The following TXLNG variants were observed in gnomAD, a reference collection of about 807,000 sequenced individuals.
TXLNG encodes the protein taxilin gamma.
In TXLNG, 5 loss-of-function variants were observed where a neutral mutation model predicts 38.8. The observed-to-expected ratio is 0.13, with a 90% CI of 0.07 to 0.27. The LOEUF (loss-of-function observed/expected upper bound fraction) is 0.27. TXLNG is among the 10% of genes least tolerant of loss of function. The pLI is 1.00. For missense variants in TXLNG, 393 were observed against 398.2 expected, an observed-to-expected ratio of 0.99 and a Z score of 0.11; for synonymous variants, 182 against 158.2, an observed-to-expected ratio of 1.15 and a Z score of -1.13.
chrX:16,797,502 G>T (rs747427677), intron 1 of TXLNG, among the ~76,000 whole-genome samples: 11 of 111,900 alleles, frequency 9.8e-5, no homozygotes, highest in Non-Finnish European at 2.1e-4. Flanking sequence ...CACTCTTGTG[G>T]CTGTTGGCAG....
chrX:16,839,684 C>G, intron 8 of TXLNG, 137 bp from the exon 9 acceptor site: 5 of 411,791 alleles, frequency 1.2e-5, no homozygotes, highest in East Asian at 4.1e-5. Flanking sequence ...TCTATAAAGA[C>G]ACACACAGCT....
chrX:16,840,948 G>A (rs972676800), intron 9 of TXLNG, among the ~76,000 whole-genome samples: 2 of 111,506 alleles, frequency 1.8e-5, no homozygotes, highest in Non-Finnish European at 3.8e-5. Flanking sequence ...TGTAATCCCA[G>A]CGCTTCGGGA....
chrX:16,836,508 C>G (rs1322517212), intron 7 of TXLNG, among the ~76,000 whole-genome samples: 1 of 112,457 alleles, frequency 8.9e-6, no homozygotes, highest in Non-Finnish European at 1.9e-5. Context: ...TCTAGCCTAA[C>G]AAGCACAAGG....
chrX:16,841,125 G>T (rs1294266108), intron 9 of TXLNG, among the ~76,000 whole-genome samples: 3 of 109,492 alleles, frequency 2.7e-5, no homozygotes, highest in Non-Finnish European at 3.8e-5. Context: ...AACCCAGGAG[G>T]CAGAGGTTGC....
chrX:16,820,325 C>G, intron 3 of TXLNG, 70 bp downstream of exon 3: 1 of 830,744 alleles, frequency 1.2e-6, no homozygotes, highest in South Asian at 2.6e-5. Context: ...TGATAAGTTT[C>G]TTAAAGTACA....
At chrX:16,797,521 T>G (rs1282008015) in intron 1 of TXLNG, among the ~76,000 whole-genome samples, 1 of 112,036 alleles carries the variant, frequency 8.9e-6, no homozygotes, top group African/African-American at 3.2e-5. Flanking sequence ...AGGATTCAAT[T>G]CCTCGTGGGC....
intron 4 of TXLNG, among the ~76,000 whole-genome samples, chrX:16,828,880 A>G (rs1929272040): frequency 9.0e-6 from 1 of 111,643 alleles, no homozygotes; most frequent in African/African-American, 3.3e-5. Context: ...TATGCCCTTT[A>G]TGCCCCAATA....
At chrX:16,825,459 A>G (rs1351891473) in intron 3 of TXLNG, among the ~76,000 whole-genome samples, 6 of 112,439 alleles carry the variant, frequency 5.3e-5, no homozygotes, top group Non-Finnish European at 9.4e-5. Flanking sequence ...CAAAACCTAG[A>G]GACAGCCCAG....
intron 1 of TXLNG, among the ~76,000 whole-genome samples, chrX:16,791,217 G>A (rs181695980): frequency 3.6e-5 from 4 of 111,860 alleles, no homozygotes; most frequent in East Asian, 2.8e-4. Flanking sequence ...CCTCTTCCCA[G>A]AATCTCTCCG....
intron 6 of TXLNG, 138 bp downstream of exon 6, chrX:16,832,880 C>A: frequency 1.3e-6 from 1 of 785,086 alleles, no homozygotes; most frequent in Non-Finnish European, 1.8e-6. Flanking sequence ...GGCATGCCAG[C>A]TGGTGTTTTG....
chrX:16,820,054 T>A, intron 2 of TXLNG, 110 bp from the exon 3 acceptor site: 1 of 547,690 alleles, frequency 1.8e-6, no homozygotes, highest in Admixed American at 3.4e-5. Context: ...TAATCATAGG[T>A]GTAAATTAGT....
In TXLNG at chrX:16,829,784, G is replaced by T. The variant is rs914836126; in HGVS notation, c.864+14G>T. On this transcript the variant is annotated intron_variant, in intron 5 of 9. Transcript: ENST00000380122. ...CTGAGGGAAGAGGTAATGGCATTTG[G>T]TTTATTTAAACGGCTTCTCAAGATT... 3 of 1,194,857 alleles carry T rather than the reference G, an allele frequency of 2.5e-6. No individual in the cohort carries two copies. The highest frequency in any genetic ancestry group is 3.4e-6 in the Non-Finnish European group (3 of 884,807).
At chrX:16,819,926 C>T (rs920687540) in intron 2 of TXLNG, among the ~76,000 whole-genome samples, 1 of 111,584 alleles carries the variant, frequency 9.0e-6, no homozygotes, top group Non-Finnish European at 1.9e-5. Context: ...TTATAAATAG[C>T]TCGCAGTGTT....
chrX:16,807,242 A>AT (rs1928366432), intron 1 of TXLNG, among the ~76,000 whole-genome samples: 1 of 112,105 alleles, frequency 8.9e-6, no homozygotes, highest in Non-Finnish European at 1.9e-5. Context: ...TAAAAATTCT[A>AT]CGTATCTTTC....
intron 1 of TXLNG, among the ~76,000 whole-genome samples, chrX:16,790,263 G>A (rs890948790): frequency 3.6e-5 from 4 of 111,700 alleles, no homozygotes; most frequent in Non-Finnish European, 7.5e-5. Flanking sequence ...ATGGATCCAC[G>A]ATTATAGTAT....
intron 3 of TXLNG, among the ~76,000 whole-genome samples, chrX:16,826,731 G>A (rs1381912935): frequency 1.8e-5 from 2 of 111,261 alleles, no homozygotes; most frequent in East Asian, 2.8e-4. Context: ...TCGGGAGTTC[G>A]AGACCAGCCT....
At chrX:16,818,954 G>A in intron 2 of TXLNG, 77 bp downstream of exon 2, 1 of 1,039,120 alleles carries the variant, frequency 9.6e-7, no homozygotes, top group Admixed American at 3.3e-5. Context: ...AGATAATTTT[G>A]AACACAGCCA....
rs1927725261 is a variant in TXLNG at position 16,792,184 on chromosome X, G to A, written c.102+5595G>A. Among the ~76,000 whole-genome samples the A allele has an allele frequency of 2.7e-5, 3 of 112,003 alleles. No homozygotes were observed. The Admixed American group carries it at 2.9e-4, about 11-fold the overall frequency. On this transcript the variant is annotated intron_variant, in intron 1 of 9. Transcript: ENST00000380122. ...ATATCTCCTTAACTCTGCAAGGTAG[G>A]TGGTATCCCCAGGTATATAGATAAG...
At chrX:16,825,216 C>A (rs189779975) in intron 3 of TXLNG, among the ~76,000 whole-genome samples, 1 of 112,111 alleles carries the variant, frequency 8.9e-6, no homozygotes, top group South Asian at 3.7e-4. Flanking sequence ...TGCCATTTTA[C>A]GTCTATTGTA....
Sources: allele counts gnomAD v4.1 joint callset (sites outside exome capture counted in the v4.1 genomes callset), GRCh38; gene constraint gnomAD v4.1.1; transcripts MANE v1.5; gene names NCBI Gene and HGNC (gene_info 2026-07-23, HGNC 2026-07-21).